The following CFAP36 variants were observed in gnomAD, a reference collection of about 807,000 sequenced individuals.
CFAP36 encodes the protein cilia and flagella associated protein 36.
CFAP36 carries 37 observed loss-of-function variants against 50.5 expected under a neutral mutation model. The ratio of observed to expected loss-of-function variants is 0.73; its 90% CI spans 0.56 to 0.96. The LOEUF (loss-of-function observed/expected upper bound fraction) is 0.96, where lower values mean the gene tolerates loss of function less well. CFAP36 is among the 50% of genes least tolerant of loss of function. The pLI is 0.00. For missense variants in CFAP36, 407 were observed against 396.2 expected, an observed-to-expected ratio of 1.03 and a Z score of -0.23; for synonymous variants, 138 against 128.2, an observed-to-expected ratio of 1.08 and a Z score of -0.52.
At position 55,535,664 on chromosome 2, in the gene CFAP36, G is replaced by T; in HGVS notation, c.486-48G>T. On this transcript the variant is annotated intron_variant, in intron 5 of 9. Coordinates refer to ENST00000349456, the MANE Select transcript of CFAP36 (RefSeq NM_080667.7). ...TTGCTTAGTTGAATATTTGTTCTTT[G>T]ACCAAAAAAGGAAATTTATCTTTTT... 2.9e-6 allele frequency: 4 copies of T among 1,394,782 alleles called. No individual in the cohort carries two copies. In the South Asian group the frequency reaches 4.4e-5, roughly 15 times the overall value. 86.4% of individuals were successfully genotyped at this position (1,394,782 alleles called of 1,614,324 possible). A position where few individuals can be genotyped will look rare whatever the true frequency, so the allele number is the denominator to read the frequency against.
At chr2:55,522,251 A>G (rs1684088830) in intron 2 of CFAP36, 85 bp downstream of exon 2, 2 of 720,946 alleles carry the variant, frequency 2.8e-6, no homozygotes, top group Non-Finnish European at 4.5e-6. Context: ...ATATTTTTAC[A>G]TTAAAAATCC....
intron 4 of CFAP36, among the ~76,000 whole-genome samples, chr2:55,532,902 A>C (rs1008099449): frequency 6.6e-6 from 1 of 152,278 alleles, no homozygotes; most frequent in African/African-American, 2.4e-5. Flanking sequence ...AAAGTAATAA[A>C]GTAAATTAAA....
intron 7 of CFAP36, among the ~76,000 whole-genome samples, chr2:55,538,269 T>C (rs1439695797): frequency 6.6e-6 from 1 of 151,208 alleles, no homozygotes; most frequent in East Asian, 1.9e-4. Flanking sequence ...GTGAGGTAGA[T>C]ATTATAATCC....
At chr2:55,530,754 T>G (rs1053681453) in intron 4 of CFAP36, among the ~76,000 whole-genome samples, 1 of 152,250 alleles carries the variant, frequency 6.6e-6, no homozygotes, top group African/African-American at 2.4e-5. Flanking sequence ...TCACCTTAAT[T>G]TCTATGTCTT....
Position 55,522,142 on chromosome 2 carries a change from G to A in CFAP36, c.156G>A (p.Glu52=). ...AAGAAAGCAAATTGACCTATACAGAGATTCATCAGGAATACAAAGAACTAG... is the reference window on the plus strand; with the variant it reads ...AAGAAAGCAAATTGACCTATACAGAAATTCATCAGGAATACAAAGAACTAG... ...DEEESKLTYT[E]IHQEYKELVE... is the part of the protein sequence containing the mutation. The change falls in exon 2 of 10, where the codon GAG becomes GAA. Residue 52 remains glutamate, a synonymous_variant. Transcript: ENST00000349456. 4 of 1,539,032 alleles carry A rather than the reference G, an allele frequency of 2.6e-6. No individual in the cohort carries two copies. Among genetic ancestry groups the A allele is most frequent in the Non-Finnish European group, 3.5e-6 (4 of 1,126,934 alleles).
At chr2:55,520,606 C>A in intron 1 of CFAP36, 1 of 647,342 alleles carries the variant, frequency 1.5e-6, no homozygotes, top group South Asian at 3.2e-5. Context: ...GGGTTCTGAG[C>A]AGTTCTTCAG....
chr2:55,534,449 G>A (rs534705611), intron 5 of CFAP36, among the ~76,000 whole-genome samples: 4 of 152,276 alleles, frequency 2.6e-5, no homozygotes, highest in African/African-American at 7.2e-5. Context: ...GTATCTTGCC[G>A]GTCTCCTTGT....
At chr2:55,535,947 C>T (rs1477668476) in intron 6 of CFAP36, 184 bp downstream of exon 6, 4 of 1,252,608 alleles carry the variant, frequency 3.2e-6, no homozygotes, top group Non-Finnish European at 4.2e-6. Flanking sequence ...CTGCTGGCCA[C>T]CATATTATAT....
intron 7 of CFAP36, 121 bp downstream of exon 7, chr2:55,537,706 T>G (rs1684528340): frequency 1.5e-6 from 1 of 661,610 alleles, no homozygotes. Context: ...TTGAATGTCT[T>G]TGGTATTTAA....
chr2:55,529,076 C>CTTT (rs1684284686), intron 4 of CFAP36, 84 bp downstream of exon 4: 5 of 883,852 alleles, frequency 5.7e-6, no homozygotes, highest in East Asian at 5.4e-5. Flanking sequence ...TTAAATGTAG[C>CTTT]TGTCTCATGT....
At chr2:55,542,376 G>C (rs1462518035) in intron 7 of CFAP36, among the ~76,000 whole-genome samples, 3 of 152,148 alleles carry the variant, frequency 2.0e-5, no homozygotes, top group Non-Finnish European at 4.4e-5. Context: ...TTCGTACAAA[G>C]TGATGGAAGC....
chr2:55,532,143 A>G (rs1262162897), intron 4 of CFAP36, among the ~76,000 whole-genome samples: 1 of 151,926 alleles, frequency 6.6e-6, no homozygotes, highest in Non-Finnish European at 1.5e-5. Flanking sequence ...TTGAGGCTGC[A>G]GTGAGCTATG....
intron 7 of CFAP36, chr2:55,539,140 T>G: frequency 4.9e-6 from 1 of 204,692 alleles, no homozygotes; most frequent in Non-Finnish European, 9.8e-6. Context: ...GAGCATAGTT[T>G]ACATTAGGGT....
intron 5 of CFAP36, among the ~76,000 whole-genome samples, chr2:55,534,319 G>A (rs898811444): frequency 2.6e-5 from 4 of 152,188 alleles, no homozygotes; most frequent in South Asian, 2.1e-4. Flanking sequence ...CACTATGGAG[G>A]TGGCATATTC....
At chr2:55,527,619 G>A (rs77752023) in intron 3 of CFAP36, among the ~76,000 whole-genome samples, 2,603 of 151,430 alleles carry the variant, frequency 0.017, 35 homozygotes, top group Non-Finnish European at 0.026. Context: ...ACAAACAACA[G>A]CACCTTCAGT....
intron 7 of CFAP36, among the ~76,000 whole-genome samples, chr2:55,540,371 C>T (rs965312698): frequency 3.9e-5 from 6 of 152,066 alleles, no homozygotes; most frequent in African/African-American, 1.2e-4. Context: ...CTTTCCTCAC[C>T]GTATTGCCTT....
At chr2:55,524,979 A>G (rs915403374) in intron 3 of CFAP36, among the ~76,000 whole-genome samples, 1 of 141,860 alleles carries the variant, frequency 7.0e-6, no homozygotes, top group Non-Finnish European at 1.5e-5. Context: ...AAAACTGTCT[A>G]AAAAAAAAAA....
intron 4 of CFAP36, 71 bp from the exon 5 acceptor site, chr2:55,533,802 A>G (rs1268493279): frequency 2.3e-6 from 2 of 854,012 alleles, no homozygotes; most frequent in East Asian, 5.1e-5. Context: ...TACTTAAGGA[A>G]CGAGAACAGT....
intron 4 of CFAP36, among the ~76,000 whole-genome samples, chr2:55,529,909 G>A (rs543759701): frequency 6.6e-6 from 1 of 152,078 alleles, no homozygotes; most frequent in Non-Finnish European, 1.5e-5. Flanking sequence ...GCCTCCCAAC[G>A]TGGCCGGAAG....
Sources: allele counts gnomAD v4.1 joint callset (sites outside exome capture counted in the v4.1 genomes callset), GRCh38; gene constraint gnomAD v4.1.1; transcripts MANE v1.5; gene names NCBI Gene and HGNC (gene_info 2026-07-23, HGNC 2026-07-21).